KCNH5: variants seen among roughly 807,000 people sequenced by gnomAD.
The protein encoded by KCNH5 is potassium voltage-gated channel subfamily H member 5, also known as voltage-gated delayed rectifier potassium channel KCNH5.
In KCNH5, 46 loss-of-function variants were observed where a neutral mutation model predicts 96.1. The observed-to-expected ratio is 0.48, with a 90% CI of 0.38 to 0.61. The LOEUF is 0.61. Ranked by LOEUF, KCNH5 falls within the 20% of genes least tolerant of loss-of-function variation. The probability of loss-of-function intolerance (pLI) is 0.00; values close to 1 mark genes in which losing one functional copy is unlikely to be tolerated. For missense variants in KCNH5, 907 were observed against 1,225.8 expected, an observed-to-expected ratio of 0.74 and a Z score of 3.88; for synonymous variants, 439 against 449.8, an observed-to-expected ratio of 0.98 and a Z score of 0.30.
rs558244638 is a variant in KCNH5, at chr14:62,859,177, A to G, written c.1370-9325T>C. On this transcript the variant is annotated intron_variant, in intron 7 of 10. Coordinates refer to ENST00000322893, the MANE Select transcript of KCNH5 (RefSeq NM_139318.5). ...CCCTTTCCATGATGGAAGAGTTCCA[A>G]TATAATCAACCTGCCACCAGGTAGC... Among the ~76,000 whole-genome samples the G allele has an allele frequency of 6.6e-5, 10 of 152,252 alleles. 1 individual carries two copies. The South Asian group carries it at 1.7e-3, about 25-fold the overall frequency.
chr14:63,018,095 A>G (rs912933835), intron 1 of KCNH5, among the ~76,000 whole-genome samples: 2 of 152,020 alleles, frequency 1.3e-5, no homozygotes, highest in Non-Finnish European at 2.9e-5. Context: ...CAAAATATGA[A>G]AAGCAAAATC....
At chr14:62,710,325 A>T (rs1242075872) in intron 10 of KCNH5, among the ~76,000 whole-genome samples, 1 of 152,238 alleles carries the variant, frequency 6.6e-6, no homozygotes, top group Non-Finnish European at 1.5e-5. Context: ...GTGGCACATG[A>T]AATTGGGTCT....
intron 10 of KCNH5, among the ~76,000 whole-genome samples, chr14:62,730,699 T>C (rs1024394983): frequency 3.9e-5 from 6 of 152,156 alleles, no homozygotes; most frequent in Admixed American, 2.0e-4. Context: ...GATAACATAA[T>C]AGACTGACAG....
rs117471819 is a variant in KCNH5, at chr14:62,773,237, T to C, written c.2019+6491A>G. On this transcript the variant is annotated intron_variant, in intron 10 of 10. Coordinates refer to ENST00000322893, the MANE Select transcript of KCNH5 (RefSeq NM_139318.5). The stretch of plus-strand genomic sequence containing the variant: ...AATCACTTAATTTCTTAGGTCTGAA[T>C]TTTTCTCATCTCTAAAGAAAATAAA... Among the ~76,000 whole-genome samples, 8 of 152,314 alleles carry C rather than the reference T, an allele frequency of 5.3e-5. No individual in the cohort carries two copies. In the East Asian group the frequency reaches 1.5e-3, roughly 29 times the overall value.
chr14:62,978,503 C>T (rs1279216106), intron 6 of KCNH5, among the ~76,000 whole-genome samples: 1 of 151,106 alleles, frequency 6.6e-6, no homozygotes, highest in Non-Finnish European at 1.5e-5. Context: ...CGGAGAATGG[C>T]GTGAACCCGG....
At chr14:62,764,920 C>T (rs1885827600) in intron 10 of KCNH5, among the ~76,000 whole-genome samples, 1 of 152,078 alleles carries the variant, frequency 6.6e-6, no homozygotes, top group Non-Finnish European at 1.5e-5. Context: ...TAGGAAAAAT[C>T]AATATTGTTA....
intron 3 of KCNH5, 91 bp from the exon 4 acceptor site, chr14:63,001,550 G>T: frequency 8.2e-7 from 1 of 1,212,886 alleles, no homozygotes; most frequent in Non-Finnish European, 1.1e-6. Context: ...TCCTTCAGCT[G>T]CCAACAGCTG....
At chr14:62,924,200 C>T (rs1889430576) in intron 7 of KCNH5, among the ~76,000 whole-genome samples, 1 of 151,798 alleles carries the variant, frequency 6.6e-6, no homozygotes, top group Non-Finnish European at 1.5e-5. Context: ...ATACGAATGG[C>T]CAAGAAGCAT....
At chr14:62,734,550 C>T (rs929732251) in intron 10 of KCNH5, among the ~76,000 whole-genome samples, 5 of 152,110 alleles carry the variant, frequency 3.3e-5, no homozygotes, top group African/African-American at 1.2e-4. Context: ...TCATTTCTTT[C>T]CAGGAAGCCC....
In KCNH5 at chr14:62,702,822, A is replaced by G. The variant is rs1292989334; in HGVS notation, c.*4686T>C. 13 of 152,018 alleles carry G rather than the reference A, an allele frequency of 8.6e-5. No homozygotes were observed. The highest frequency in any genetic ancestry group is 5.9e-5 in the Non-Finnish European group (4 of 67,864). The allele number at this position is 152,018 out of a possible 1,614,324, so 9.4% of individuals were successfully genotyped here. On this transcript the variant is annotated 3_prime_UTR_variant, in exon 11 of 11. Transcript: ENST00000322893. ...AAATCTCAAGTCAGAATATAGGCCA[A>G]AACTTACAACACATAGCACATAGTT...
At chr14:62,711,571 G>A (rs963536943) in intron 10 of KCNH5, among the ~76,000 whole-genome samples, 1 of 152,132 alleles carries the variant, frequency 6.6e-6, no homozygotes, top group African/African-American at 2.4e-5. Flanking sequence ...TGACCAACAA[G>A]ACTGGTCCTG....
intron 8 of KCNH5, among the ~76,000 whole-genome samples, chr14:62,827,669 A>G (rs1247301247): frequency 6.6e-6 from 1 of 152,102 alleles, no homozygotes; most frequent in Non-Finnish European, 1.5e-5. Flanking sequence ...TCTGTAAGTG[A>G]CCAGGTTTTT....
rs147205656 is a variant in KCNH5, at chr14:62,707,769, G to A, written c.2706C>T (p.Pro902=). Residue 902 remains proline, a synonymous_variant, in exon 11 of 11, where the codon CCC becomes CCT. Transcript: ENST00000322893. ...ADAKHPFYPI[P]EQALQTTLQE... ...GCAGTGTGGTCTGTAAGGCCTGCTC[G>A]GGGATGGGATAAAAGGGGTGCTTGG... 210 of 1,614,078 alleles carry A rather than the reference G, an allele frequency of 1.3e-4. No homozygotes were observed. The highest frequency in any genetic ancestry group is 1.7e-4 in the Non-Finnish European group (196 of 1,179,998).
chr14:63,005,025 T>C (rs895851585), intron 3 of KCNH5, among the ~76,000 whole-genome samples: 6 of 152,328 alleles, frequency 3.9e-5, no homozygotes, highest in African/African-American at 1.4e-4. Context: ...TTTTTTGGTA[T>C]ACAGGTCTCC....
intron 1 of KCNH5, among the ~76,000 whole-genome samples, chr14:63,029,045 C>G (rs1345541014): frequency 6.6e-6 from 1 of 152,092 alleles, no homozygotes; most frequent in Non-Finnish European, 1.5e-5. Flanking sequence ...ACTGTGCTCA[C>G]CAGACCTTAC....
intron 10 of KCNH5, among the ~76,000 whole-genome samples, chr14:62,758,472 A>G (rs1300477567): frequency 2.6e-5 from 4 of 152,216 alleles, no homozygotes; most frequent in Non-Finnish European, 5.9e-5. Context: ...ATTTTAAAAA[A>G]TAAATCAAAT....
intron 10 of KCNH5, among the ~76,000 whole-genome samples, chr14:62,726,241 G>A (rs749200137): frequency 2.6e-5 from 4 of 152,034 alleles, no homozygotes; most frequent in African/African-American, 4.8e-5. Context: ...GTTGGGATAC[G>A]ATAAGATTTC....
At chr14:62,865,432 G>A (rs1888116286) in intron 7 of KCNH5, among the ~76,000 whole-genome samples, 2 of 151,934 alleles carry the variant, frequency 1.3e-5, no homozygotes, top group South Asian at 2.1e-4. Context: ...CAGATTGGTC[G>A]CCATCTCCAT....
chr14:62,829,729 T>C (rs1299709151), intron 8 of KCNH5, among the ~76,000 whole-genome samples: 1 of 152,172 alleles, frequency 6.6e-6, no homozygotes, highest in Non-Finnish European at 1.5e-5. Flanking sequence ...ATCTCCGAAA[T>C]TCCCTGAAGA....
Sources: gnomAD v4.1 joint callset for allele counts (sites outside exome capture counted in the v4.1 genomes callset) on GRCh38, gnomAD v4.1.1 for gene constraint, MANE v1.5 for transcripts, NCBI Gene and HGNC (gene_info 2026-07-23, HGNC 2026-07-21) for gene names.